PARN: variants seen among roughly 807,000 people sequenced by gnomAD.
PARN encodes the protein poly(A)-specific ribonuclease PARN.
In PARN, 71 loss-of-function variants were observed where a neutral mutation model predicts 102.8. The observed-to-expected ratio is 0.69, with a 90% CI of 0.57 to 0.84. PARN has a LOEUF of 0.84. PARN is among the 40% of genes least tolerant of loss of function. PARN has a pLI of 0.00. For missense variants in PARN, 782 were observed against 760.9 expected (o/e 1.03, Z -0.33); for synonymous variants, 261 against 252.9 (o/e 1.03, Z -0.30).
chr16:14,611,189 C>G (rs1037892356), intron 6 of PARN, among the ~76,000 whole-genome samples: 1 of 152,148 alleles, frequency 6.6e-6, no homozygotes, highest in Admixed American at 6.5e-5. Flanking sequence ...AAGAGTCCTT[C>G]GGGTAGGGGA....
chr16:14,618,270 G>A (rs571812948), intron 5 of PARN, among the ~76,000 whole-genome samples: 1 of 152,024 alleles, frequency 6.6e-6, no homozygotes, highest in African/African-American at 2.4e-5. Context: ...GGTAGATCAC[G>A]AGGTCGGGAG....
intron 21 of PARN, among the ~76,000 whole-genome samples, chr16:14,488,751 C>T (rs1053098793): frequency 2.0e-5 from 3 of 152,044 alleles, no homozygotes; most frequent in African/African-American, 7.2e-5. Context: ...AACAGGATCC[C>T]CAGTGGTTGT....
At chr16:14,497,532 G>A (rs546002483) in intron 21 of PARN, among the ~76,000 whole-genome samples, 2 of 152,280 alleles carry the variant, frequency 1.3e-5, no homozygotes, top group East Asian at 1.9e-4. Context: ...GCTAACTTTG[G>A]CAACTTGTTG....
At chr16:14,512,081 A>G (rs1351022820) in intron 21 of PARN, among the ~76,000 whole-genome samples, 1 of 152,238 alleles carries the variant, frequency 6.6e-6, no homozygotes, top group Non-Finnish European at 1.5e-5. Context: ...TCTGGAAGAC[A>G]TAAGTTAAAA....
chr16:14,617,590 C>T lies in PARN; in HGVS notation c.388G>A (p.Gly130Arg), dbSNP rs753682634. 5.4e-6 allele frequency: 8 copies of T among 1,483,424 alleles called. No individual in the cohort carries two copies. The highest frequency in any genetic ancestry group is 4.7e-6 in the Non-Finnish European group (5 of 1,060,968). 91.9% of individuals were successfully genotyped at this position (1,483,424 alleles called of 1,614,324 possible). ...AAAGATAGGTTACCCATAATCTTACCATTTCGAAAAACTTTATTAAAATCA... is the reference window on the plus strand; with the variant it reads ...AAAGATAGGTTACCCATAATCTTACTATTTCGAAAAACTTTATTAAAATCA... The part of the protein sequence containing the change: ...GFDFNKVFRN[G>R]IPYLNQEEER... The change falls in exon 6 of 24, where the codon GGA (glycine) becomes AGA (arginine). Residue 130 changes from glycine (G) to arginine (R), a missense_variant and splice_region_variant. Gly to Arg is a moderately radical substitution (Grantham distance 125). Transcript: ENST00000437198.
intron 22 of PARN, among the ~76,000 whole-genome samples, chr16:14,463,543 A>T (rs770514102): frequency 1.3e-4 from 20 of 152,182 alleles, no homozygotes; most frequent in Non-Finnish European, 1.9e-4. Flanking sequence ...AGGACACTGA[A>T]GGGTATTTAT....
intron 6 of PARN, among the ~76,000 whole-genome samples, chr16:14,614,580 G>A (rs1022575044): frequency 3.9e-5 from 6 of 152,082 alleles, no homozygotes; most frequent in East Asian, 1.9e-4. Context: ...GGCCAGGCAC[G>A]GTGATCACAC....
At position 14,582,109 on chromosome 16, in the gene PARN, G is replaced by A. The variant is rs1969567072; in HGVS notation, c.1192+72C>T. The A allele has an allele frequency of 9.9e-6, 9 of 905,744 alleles. No individual in the cohort carries two copies. The South Asian group carries it at 1.2e-4, about 12-fold the overall frequency. 56.1% of individuals were successfully genotyped at this position (905,744 alleles called of 1,614,324 possible). A position where few individuals can be genotyped will look rare whatever the true frequency, so the allele number is the denominator to read the frequency against. On this transcript the variant is annotated intron_variant, in intron 17 of 23. Transcript: ENST00000437198. ...CACTCGACAGTAATTTATTACAGCAGCCTAAGCCAGGAGACAGGTAAGATC... is the reference window on the plus strand; with the variant it reads ...CACTCGACAGTAATTTATTACAGCAACCTAAGCCAGGAGACAGGTAAGATC...
At chr16:14,581,023 A>C in intron 17 of PARN, 80 bp from the exon 18 acceptor site, 1 of 778,914 alleles carries the variant, frequency 1.3e-6, no homozygotes, top group Non-Finnish European at 2.2e-6. Flanking sequence ...AACAGATTTA[A>C]ATTAACAGCA....
intron 21 of PARN, among the ~76,000 whole-genome samples, chr16:14,529,529 C>T (rs950616309): frequency 6.6e-6 from 1 of 152,170 alleles, no homozygotes; most frequent in Non-Finnish European, 1.5e-5. Context: ...TCCAGCCTCT[C>T]AGCCCTGACA....
intron 22 of PARN, among the ~76,000 whole-genome samples, chr16:14,451,849 A>G (rs1961463373): frequency 1.2e-5 from 1 of 82,644 alleles, no homozygotes; most frequent in African/African-American, 5.6e-5. Flanking sequence ...TCTCTAAAAA[A>G]AAAAAAAAAA....
rs539058461 is a variant in PARN at position 14,532,834 on chromosome 16, G to A, written c.1480+19187C>T. ...TGACCCCCCCACCTCCCTCCCGGACGGGGTGGCTGGCCGGGCGGGGGGCTG... is the reference window on the plus strand; with the variant it reads ...TGACCCCCCCACCTCCCTCCCGGACAGGGTGGCTGGCCGGGCGGGGGGCTG... On this transcript the variant is annotated intron_variant, in intron 21 of 23. Transcript: ENST00000437198. Among the ~76,000 whole-genome samples, 139 of 149,780 alleles carry A rather than the reference G, an allele frequency of 9.3e-4. 1 individual carries two copies. The highest frequency in any genetic ancestry group is 3.0e-3 in the African/African-American group (122 of 40,702).
chr16:14,552,677 G>A (rs777060215), intron 20 of PARN, among the ~76,000 whole-genome samples: 39 of 152,168 alleles, frequency 2.6e-4, no homozygotes, highest in East Asian at 5.8e-4. Context: ...GGCCGGGCGC[G>A]GTGGCTCACG....
chr16:14,554,761 GA>G lies in PARN; in HGVS notation c.1319-611del, dbSNP rs536146599. On this transcript the variant is annotated intron_variant, in intron 19 of 23. Transcript: ENST00000437198. ...ACCCAACTGTGCAAATTATTTAGAA[GA>G]AAAAAAAAACGCTGCTCTGTTCATG... Among the ~76,000 whole-genome samples the G allele has an allele frequency of 6.1e-3, 864 of 140,984 alleles. 8 individuals carry two copies. Among genetic ancestry groups the G allele is most frequent in the Non-Finnish European group, 7.7e-3 (494 of 64,474 alleles). 92.5% of individuals were successfully genotyped at this position (140,984 alleles called of 152,430 possible). A position where few individuals can be genotyped will look rare whatever the true frequency, so the allele number is the denominator to read the frequency against.
chr16:14,548,462 T>C (rs1401834888), intron 21 of PARN, among the ~76,000 whole-genome samples: 1 of 152,210 alleles, frequency 6.6e-6, no homozygotes, highest in Admixed American at 6.5e-5. Flanking sequence ...ATATCATTTA[T>C]GCAATTCAAT....
intron 22 of PARN, among the ~76,000 whole-genome samples, chr16:14,467,980 G>A (rs1962466636): frequency 2.0e-5 from 3 of 152,122 alleles, no homozygotes; most frequent in South Asian, 4.1e-4. Context: ...TGCTAGGTGC[G>A]GGAACACTAA....
chr16:14,481,451 T>C (rs1414722651), intron 22 of PARN, among the ~76,000 whole-genome samples: 1 of 152,176 alleles, frequency 6.6e-6, no homozygotes, highest in Non-Finnish European at 1.5e-5. Context: ...AATGGTTGCT[T>C]AGGGTCATGG....
intron 20 of PARN, among the ~76,000 whole-genome samples, chr16:14,552,860 A>G (rs970662339): frequency 8.5e-5 from 13 of 152,126 alleles, no homozygotes; most frequent in Non-Finnish European, 1.8e-4. Flanking sequence ...AGGCAGGAGA[A>G]TGGCTTGAAC....
intron 1 of PARN, among the ~76,000 whole-genome samples, 197 bp downstream of exon 1, chr16:14,629,910 G>A (rs1376601636): frequency 6.6e-6 from 1 of 152,208 alleles, no homozygotes; most frequent in Non-Finnish European, 1.5e-5. Context: ...GGGGTTGGAG[G>A]AGTAAGTACA....
Sources: allele counts gnomAD v4.1 joint callset (sites outside exome capture counted in the v4.1 genomes callset), GRCh38; gene constraint gnomAD v4.1.1; transcripts MANE v1.5; gene names NCBI Gene and HGNC (gene_info 2026-07-23, HGNC 2026-07-21).